STYXL1: variants seen among roughly 807,000 people sequenced by gnomAD.
The protein encoded by STYXL1 is serine/threonine/tyrosine-interacting-like protein 1.
Under a neutral mutation model 36.4 loss-of-function variants are expected in STYXL1, and 32 were observed. The observed-to-expected ratio is 0.88, with a 90% CI of 0.66 to 1.18. The LOEUF is 1.18. STYXL1 is among the 50% of genes most tolerant of loss of function. STYXL1 has a pLI of 0.00. For missense variants in STYXL1, 354 were observed against 394.1 expected, an observed-to-expected ratio of 0.90 and a Z score of 0.86; for synonymous variants, 133 against 144.1, an observed-to-expected ratio of 0.92 and a Z score of 0.55.
At chr7:76,038,069 C>G (rs1796090000) in intron 1 of STYXL1, among the ~76,000 whole-genome samples, 4 of 150,284 alleles carry the variant, frequency 2.7e-5, no homozygotes, top group Admixed American at 6.6e-5. Flanking sequence ...TACTCCTACC[C>G]TCTCAGTTTC....
At chr7:76,018,261 C>T (rs1224480994) in intron 4 of STYXL1, among the ~76,000 whole-genome samples, 4 of 152,170 alleles carry the variant, frequency 2.6e-5, no homozygotes, top group Non-Finnish European at 5.9e-5. Context: ...CACTTAACCA[C>T]TCATTTCTAT....
At chr7:76,001,589 G>T (rs527587680) in intron 7 of STYXL1, among the ~76,000 whole-genome samples, 219 of 152,172 alleles carry the variant, frequency 1.4e-3, no homozygotes, top group Middle Eastern at 3.4e-3. Context: ...TGCCTCCTGG[G>T]TTCAAGTGAT....
intron 6 of STYXL1, among the ~76,000 whole-genome samples, chr7:76,004,528 A>C (rs1432535622): frequency 6.6e-6 from 1 of 151,448 alleles, no homozygotes; most frequent in Non-Finnish European, 1.5e-5. Context: ...ACATTTTGAA[A>C]CCCTGTCTCT....
rs376044163 is a variant in STYXL1, at chr7:76,000,905, G to A, written c.795C>T (p.Asn265=). ...AAIIAYLMHS[N]EQTLQRSWAY... ...GAACGCATACCTGCAAGGTCTGCTCGTTACTATGCATGAGGTAGGCTATGA... is the reference window on the plus strand; with the variant it reads ...GAACGCATACCTGCAAGGTCTGCTCATTACTATGCATGAGGTAGGCTATGA... The change falls in exon 8 of 9, where the codon AAC becomes AAT. Residue 265 remains asparagine, a synonymous_variant. Transcript: ENST00000359697. 143 of 1,614,082 alleles carry A rather than the reference G, an allele frequency of 8.9e-5. No homozygotes were observed. The highest frequency in any genetic ancestry group is 4.0e-4 in the East Asian group (18 of 44,884).
chr7:76,023,516 A>G (rs1794320716), intron 3 of STYXL1, among the ~76,000 whole-genome samples: 1 of 151,998 alleles, frequency 6.6e-6, no homozygotes. Flanking sequence ...GGCATGCACC[A>G]CCATACTTGG....
At chr7:76,017,007 GTATTTATT>G (rs1240368400) in intron 4 of STYXL1, among the ~76,000 whole-genome samples, 1 of 152,028 alleles carries the variant, frequency 6.6e-6, no homozygotes, top group African/African-American at 2.4e-5. Flanking sequence ...ACAACGGATT[GTATTTATT>G]TATTTATTTA....
chr7:75,997,719 TAC>T (rs142970735), intron 8 of STYXL1, among the ~76,000 whole-genome samples: 1 of 151,528 alleles, frequency 6.6e-6, no homozygotes, highest in Non-Finnish European at 1.5e-5. Flanking sequence ...CCCTAAAGAT[TAC>T]ACACACACAC....
intron 8 of STYXL1, among the ~76,000 whole-genome samples, chr7:75,997,818 C>G (rs1269235757): frequency 6.6e-6 from 1 of 152,006 alleles, no homozygotes; most frequent in Admixed American, 6.6e-5. Context: ...ATATACTAAA[C>G]AATTCAAAAA....
chr7:76,040,696 C>T (rs927348077), intron 1 of STYXL1, among the ~76,000 whole-genome samples: 1 of 151,928 alleles, frequency 6.6e-6, no homozygotes, highest in African/African-American at 2.4e-5. Flanking sequence ...ATTAGCCAGG[C>T]GTGGTGGCGC....
At chr7:75,999,556 T>TA (rs56000336) in intron 8 of STYXL1, among the ~76,000 whole-genome samples, 91,386 of 145,510 alleles carry the variant, frequency 0.63, 29,609 homozygotes, top group Non-Finnish European at 0.68. Flanking sequence ...TGTGTGTATA[T>TA]TTTTTTTTGA....
In STYXL1 at chr7:76,045,048, C is replaced by T. The variant is rs537673236; in HGVS notation, c.-5+2614G>A. On this transcript the variant is annotated intron_variant, in intron 1 of 8. Coordinates refer to ENST00000359697, the MANE Select transcript of STYXL1 (RefSeq NM_001317785.2). The stretch of plus-strand genomic sequence containing the variant: ...AACTCCCAATTAAGCCCATCTAAAA[C>T]GGAACTCTTTATTTTTTCTCCTCTC... 8.5e-5 allele frequency: 13 copies of T among 152,270 alleles called. No homozygotes were observed. In the South Asian group the frequency reaches 1.5e-3, roughly 17 times the overall value. 9.4% of individuals were successfully genotyped at this position (152,270 alleles called of 1,614,324 possible). A position where few individuals can be genotyped will look rare whatever the true frequency, so the allele number is the denominator to read the frequency against.
chr7:76,047,992 C>A lies in STYXL1; in HGVS notation c.-335G>T. ...GGTCCCACAGCTTTCCTTTCCGACTCCCGGAAGTGGCCGTGATCTCACGAG... is the reference window on the plus strand; with the variant it reads ...GGTCCCACAGCTTTCCTTTCCGACTACCGGAAGTGGCCGTGATCTCACGAG... On this transcript the variant is annotated 5_prime_UTR_variant, in exon 1 of 9. Transcript: ENST00000359697. 2.7e-6 allele frequency: 4 copies of A among 1,492,818 alleles called. No individual in the cohort carries two copies. Among genetic ancestry groups the A allele is most frequent in the Non-Finnish European group, 2.7e-6 (3 of 1,122,036 alleles). 92.5% of individuals were successfully genotyped at this position (1,492,818 alleles called of 1,614,324 possible).
chr7:76,020,190 C>A (rs1554575669), intron 4 of STYXL1, among the ~76,000 whole-genome samples: 1 of 152,156 alleles, frequency 6.6e-6, no homozygotes, highest in Non-Finnish European at 1.5e-5. Flanking sequence ...CCTAGGATTG[C>A]AGACCAGAGC....
At chr7:76,026,446 A>T (rs1554577753) in intron 3 of STYXL1, among the ~76,000 whole-genome samples, 1 of 151,594 alleles carries the variant, frequency 6.6e-6, no homozygotes, top group East Asian at 2.0e-4. Flanking sequence ...CACTGAGTTA[A>T]TTTTTCAATT....
intron 2 of STYXL1, 66 bp from the exon 3 acceptor site, chr7:76,028,769 C>T (rs1306917531): frequency 1.5e-5 from 21 of 1,389,496 alleles, no homozygotes; most frequent in Non-Finnish European, 2.1e-5. Flanking sequence ...ACTCAGAGGA[C>T]CTACGTCGTC....
intron 8 of STYXL1, chr7:76,000,626 CG>C: frequency 1.8e-6 from 1 of 565,498 alleles, no homozygotes; most frequent in Non-Finnish European, 3.4e-6. Context: ...CACAGGTGGA[CG>C]GCCTGACAGC....
intron 1 of STYXL1, among the ~76,000 whole-genome samples, chr7:76,035,790 C>G (rs1554580597): frequency 6.7e-6 from 1 of 149,778 alleles, no homozygotes; most frequent in East Asian, 1.9e-4. Context: ...TCCCCCATTG[C>G]TAACTCTATC....
chr7:76,034,245 G>A (rs1314664542), intron 1 of STYXL1, among the ~76,000 whole-genome samples: 1 of 151,468 alleles, frequency 6.6e-6, no homozygotes, highest in Non-Finnish European at 1.5e-5. Context: ...TGGAACTACA[G>A]GCACATGCCA....
At chr7:76,012,081 C>G (rs562934357) in intron 5 of STYXL1, among the ~76,000 whole-genome samples, 4 of 152,238 alleles carry the variant, frequency 2.6e-5, no homozygotes, top group African/African-American at 9.6e-5. Flanking sequence ...AGGTGGATCA[C>G]TTGAGGTCAG....
Sources: gnomAD v4.1 joint callset for allele counts (sites outside exome capture counted in the v4.1 genomes callset) on GRCh38, gnomAD v4.1.1 for gene constraint, MANE v1.5 for transcripts, NCBI Gene and HGNC (gene_info 2026-07-23, HGNC 2026-07-21) for gene names.